The following KCNK13 variants were observed in gnomAD, a reference collection of about 807,000 sequenced individuals.
KCNK13 encodes potassium channel subfamily K member 13.
In KCNK13, 12 loss-of-function variants were observed where a neutral mutation model predicts 23.4. The ratio of observed to expected loss-of-function variants is 0.51; its 90% CI spans 0.33 to 0.83. The LOEUF (loss-of-function observed/expected upper bound fraction) is 0.83, where lower values mean the gene tolerates loss of function less well. KCNK13 is among the 40% of genes least tolerant of loss of function. KCNK13 has a pLI of 0.02. For synonymous variants in KCNK13, 231 were observed against 229.5 expected (o/e 1.01, Z -0.06); for missense variants, 463 against 556.3 (o/e 0.83, Z 1.69).
At chr14:90,159,859 C>T (rs964272673) in intron 1 of KCNK13, among the ~76,000 whole-genome samples, 2 of 151,984 alleles carry the variant, frequency 1.3e-5, no homozygotes, top group Non-Finnish European at 2.9e-5. Flanking sequence ...AGATGGGTGT[C>T]CTTGGGTGAG....
intron 1 of KCNK13, among the ~76,000 whole-genome samples, chr14:90,154,978 A>G (rs1566647629): frequency 6.6e-6 from 1 of 152,264 alleles, no homozygotes; most frequent in Non-Finnish European, 1.5e-5. Context: ...CTGAGGATAC[A>G]GCAGTGAACA....
At position 90,184,216 on chromosome 14, in the gene KCNK13, A is replaced by T; in HGVS notation, c.440A>T (p.Glu147Val). ...STILFFNLFLERLITIIAYIM... is the reference protein window; with the variant it reads ...STILFFNLFLVRLITIIAYIM... The stretch of plus-strand genomic sequence containing the variant: ...ATCTTGTTCTTCAACCTCTTCCTGG[A>T]GCGCCTGATCACCATCATCGCCTAC... The change falls in exon 2 of 2, where the codon GAG becomes GTG. Residue 147 changes from glutamate to valine, a missense_variant. This residue lies in a region of KCNK13 where 144 missense variants were observed against 224.0 expected (regional missense o/e 0.64). Coordinates refer to ENST00000282146, the MANE Select transcript of KCNK13 (RefSeq NM_022054.4). The surrounding 1 kb of genome is among the most constrained non-coding windows in gnomAD (Gnocchi z 5.6). 1 of 1,614,108 alleles carries T rather than the reference A, an allele frequency of 6.2e-7. No individual in the cohort carries two copies. Among genetic ancestry groups the T allele is most frequent in the Non-Finnish European group, 8.5e-7 (1 of 1,180,040 alleles).
intron 1 of KCNK13, among the ~76,000 whole-genome samples, chr14:90,113,225 G>GT (rs112225809): frequency 0.018 from 2,681 of 149,634 alleles, 65 homozygotes; most frequent in African/African-American, 0.06. Context: ...TGGTTGAAAA[G>GT]TTTTTTTTTT....
At chr14:90,097,246 G>T (rs1018910016) in intron 1 of KCNK13, among the ~76,000 whole-genome samples, 5 of 152,184 alleles carry the variant, frequency 3.3e-5, no homozygotes, top group Non-Finnish European at 7.4e-5. Context: ...AGTTTTGGAG[G>T]CTGGAAGTTC....
At chr14:90,129,002 C>CA (rs1889836357) in intron 1 of KCNK13, among the ~76,000 whole-genome samples, 1 of 152,074 alleles carries the variant, frequency 6.6e-6, no homozygotes, top group Non-Finnish European at 1.5e-5. Context: ...AATTATCATT[C>CA]TTTTGTTTTT....
chr14:90,121,582 G>C (rs183206135), intron 1 of KCNK13, among the ~76,000 whole-genome samples: 1 of 152,166 alleles, frequency 6.6e-6, no homozygotes, highest in Non-Finnish European at 1.5e-5. Context: ...GATAAATGTA[G>C]TATATGCTCA....
intron 1 of KCNK13, chr14:90,107,593 A>T: frequency 3.9e-6 from 2 of 511,258 alleles, no homozygotes; most frequent in Non-Finnish European, 7.1e-6. Flanking sequence ...GTTTATTTGT[A>T]AAACAAGAAT....
At chr14:90,145,997 A>T (rs1250104068) in intron 1 of KCNK13, among the ~76,000 whole-genome samples, 1 of 152,132 alleles carries the variant, frequency 6.6e-6, no homozygotes, top group Admixed American at 6.6e-5. Context: ...ACCCTGTCTC[A>T]AAACAAAACA....
In KCNK13 at chr14:90,184,142, A is replaced by G. The variant is rs1012337042; in HGVS notation, c.366A>G (p.Gly122=). Residue 122 remains glycine, a synonymous_variant, in exon 2 of 2, where the codon GGA becomes GGG. Coordinates refer to ENST00000282146, the MANE Select transcript of KCNK13 (RefSeq NM_022054.4). This position sits in a 1 kb window ranked among gnomAD's most constrained non-coding sequence, Gnocchi z 5.6. ...GFGMTTPATV[G]GKIFLIFYGL... ...GGATGACAACTCCGGCGACAGTAGG[A>G]GGAAAAATCTTTCTGATCTTTTACG... is the stretch of plus-strand genomic sequence containing the variant. The G allele has an allele frequency of 3.1e-6, 5 of 1,613,772 alleles. No homozygotes were observed. Among genetic ancestry groups the G allele is most frequent in the Non-Finnish European group, 3.4e-6 (4 of 1,179,784 alleles).
At chr14:90,109,729 AGAAAG>A (rs2140411688) in intron 1 of KCNK13, among the ~76,000 whole-genome samples, 1 of 116,886 alleles carries the variant, frequency 8.6e-6, no homozygotes, top group African/African-American at 3.4e-5. Context: ...TTTTTTTTTG[AGAAAG>A]GACTTGCTCT....
chr14:90,125,134 G>A (rs1042455825), intron 1 of KCNK13, among the ~76,000 whole-genome samples: 1 of 152,070 alleles, frequency 6.6e-6, no homozygotes, highest in African/African-American at 2.4e-5. Flanking sequence ...GGAAGGATAG[G>A]CTTTTGTCAA....
intron 1 of KCNK13, among the ~76,000 whole-genome samples, chr14:90,109,011 C>T (rs1889580664): frequency 6.6e-6 from 1 of 152,018 alleles, no homozygotes; most frequent in African/African-American, 2.4e-5. Context: ...CCCGTCTCTA[C>T]TAAAAATACA....
At chr14:90,151,442 A>T (rs1890133344) in intron 1 of KCNK13, among the ~76,000 whole-genome samples, 1 of 152,120 alleles carries the variant, frequency 6.6e-6, no homozygotes, top group African/African-American at 2.4e-5. Context: ...TGCTTTTGAG[A>T]AATGTCTGTT....
chr14:90,069,126 T>G (rs1889044364), intron 1 of KCNK13, among the ~76,000 whole-genome samples: 1 of 138,322 alleles, frequency 7.2e-6, no homozygotes, highest in Middle Eastern at 3.8e-3. Flanking sequence ...AACCTCTGCC[T>G]CCCGGGTTCA....
intron 1 of KCNK13, among the ~76,000 whole-genome samples, chr14:90,098,718 T>C (rs955031520): frequency 1.3e-5 from 2 of 151,902 alleles, no homozygotes; most frequent in Admixed American, 1.3e-4. Context: ...GATTTCTCTC[T>C]CATTACCAAG....
At chr14:90,139,517 G>A (rs945697593) in intron 1 of KCNK13, among the ~76,000 whole-genome samples, 3 of 78,728 alleles carry the variant, frequency 3.8e-5, no homozygotes, top group Non-Finnish European at 7.3e-5. Context: ...CTTTCCTTTT[G>A]TACAGCGTGG....
At chr14:90,154,470 CTACCCACAATGCTTGCTCTCT>C (rs1391442948) in intron 1 of KCNK13, among the ~76,000 whole-genome samples, 1 of 152,186 alleles carries the variant, frequency 6.6e-6, no homozygotes, top group South Asian at 2.1e-4. Flanking sequence ...GCCTGCTCTA[CTACCCACAATGCTTGCTCTCT>C]TACCCACAAT....
At chr14:90,148,193 G>C (rs950546548) in intron 1 of KCNK13, among the ~76,000 whole-genome samples, 1 of 152,080 alleles carries the variant, frequency 6.6e-6, no homozygotes, top group East Asian at 1.9e-4. Flanking sequence ...ACAAGTCTTA[G>C]GTTTACAGGG....
chr14:90,075,927 C>T (rs1234886747), intron 1 of KCNK13, among the ~76,000 whole-genome samples: 1 of 152,174 alleles, frequency 6.6e-6, no homozygotes, highest in Non-Finnish European at 1.5e-5. Context: ...AAAGTAAAGG[C>T]AAAATAATGA....
Sources: gnomAD v4.1 joint callset for allele counts (sites outside exome capture counted in the v4.1 genomes callset) on GRCh38, gnomAD v4.1.1 for gene constraint, gnomAD v4.1.1 regional missense constraint, Gnocchi (gnomAD v3.1) non-coding constraint, MANE v1.5 for transcripts, NCBI Gene and HGNC (gene_info 2026-07-23, HGNC 2026-07-21) for gene names.